The following SCUBE3 variants were observed in gnomAD, a reference collection of about 807,000 sequenced individuals.
SCUBE3 encodes the protein signal peptide, CUB and EGF-like domain-containing protein 3.
In SCUBE3, 33 loss-of-function variants were observed where a neutral mutation model predicts 116.8. The observed-to-expected ratio is 0.28, with a 90% confidence interval of 0.21 to 0.38. The LOEUF is 0.38. Among genes scored for constraint, SCUBE3 ranks in the 10% least tolerant of loss-of-function variants. The pLI is 1.00. For missense variants in SCUBE3, 1,007 were observed against 1,324.8 expected, an observed-to-expected ratio of 0.76 and a Z score of 3.72; for synonymous variants, 418 against 496.9, an observed-to-expected ratio of 0.84 and a Z score of 2.11.
In SCUBE3 at chr6:35,244,909, G is replaced by T. The variant is rs1160370716; in HGVS notation, c.2401+98G>T. On this transcript the variant is annotated intron_variant, in intron 18 of 21. Coordinates refer to ENST00000274938, the MANE Select transcript of SCUBE3 (RefSeq NM_152753.4). The surrounding 1 kb of genome is among the most constrained non-coding windows in gnomAD (Gnocchi z 4.3). ...TGAAACCAACAGGGAGCAGGGCTGG[G>T]GGGTGGAGGAGCAGGAAAACTCCAC... 3 of 1,240,562 alleles carry T rather than the reference G, an allele frequency of 2.4e-6. No homozygotes were observed. Among genetic ancestry groups the T allele is most frequent in the East Asian group, 2.3e-5 (1 of 43,010 alleles). 76.8% of individuals were successfully genotyped at this position (1,240,562 alleles called of 1,614,324 possible).
Position 35,214,334 on chromosome 6 carries a change from T to G in SCUBE3, c.-85T>G, listed in dbSNP as rs1285824514. ...GGCGGGGCGCCCCCTCCCCTCCCCC[T>G]CCTGCGAGCTGGGATCCGGCCGGCT... is the stretch of plus-strand genomic sequence containing the variant. On this transcript the variant is annotated 5_prime_UTR_variant, in exon 1 of 22. Transcript: ENST00000274938. This position sits in a 1 kb window ranked among gnomAD's most constrained non-coding sequence, Gnocchi z 6.3. The G allele has an allele frequency of 2.6e-6, 2 of 771,852 alleles. No individual in the cohort carries two copies. Among genetic ancestry groups the G allele is most frequent in the African/African-American group, 3.8e-5 (2 of 52,074 alleles). 47.8% of individuals were successfully genotyped at this position (771,852 alleles called of 1,614,324 possible).
Position 35,238,118 on chromosome 6 carries a change from C to T in SCUBE3, c.829+100C>T, listed in dbSNP as rs542719343. 2.2e-5 allele frequency: 14 copies of T among 650,114 alleles called. No homozygotes were observed. In the African/African-American group the frequency reaches 2.5e-4, roughly 12 times the overall value. 40.3% of individuals were successfully genotyped at this position (650,114 alleles called of 1,614,324 possible). On this transcript the variant is annotated intron_variant, in intron 7 of 21. Transcript: ENST00000274938. ...TATTAGGGGATGACACCTCCTCAAC[C>T]TCCTTCTTATGAAGAACCCAGGACA...
At position 35,214,409 on chromosome 6, in the gene SCUBE3, AG is replaced by A. The variant is rs1782803251; in HGVS notation, c.-9del. 7.0e-7 allele frequency: 1 copy of A among 1,434,208 alleles called. No homozygotes were observed. Among genetic ancestry groups the A allele is most frequent in the Non-Finnish European group, 9.2e-7 (1 of 1,091,440 alleles). 88.8% of individuals were successfully genotyped at this position (1,434,208 alleles called of 1,614,324 possible). On this transcript the variant is annotated 5_prime_UTR_variant, in exon 1 of 22. Coordinates refer to ENST00000274938, the MANE Select transcript of SCUBE3 (RefSeq NM_152753.4). The surrounding 1 kb of genome is among the most constrained non-coding windows in gnomAD (Gnocchi z 6.3). ...CGGCCCCGGCGGCTGGGCCGCCAGT[AG>A]CTCCAGCCATGGGCTCGGGGCGCGT... is the stretch of plus-strand genomic sequence containing the variant.
At position 35,241,908 on chromosome 6, in the gene SCUBE3, A is replaced by G; in HGVS notation, c.1415A>G (p.His472Arg). ...NGNSTNSNHC[H>R]EAAVLSIKQR... ...AACAGCACCAACTCCAACCACTGCC[A>G]TGGTAAGCACCAGCCCAGAAGCCCT... The change falls in exon 12 of 22, where the codon CAT (histidine) becomes CGT (arginine). Residue 472 changes from histidine (H) to arginine (R), a missense_variant and splice_region_variant. Coordinates refer to ENST00000274938, the MANE Select transcript of SCUBE3 (RefSeq NM_152753.4). This position sits in a 1 kb window ranked among gnomAD's most constrained non-coding sequence, Gnocchi z 4.1. The G allele has an allele frequency of 6.2e-7, 1 of 1,603,246 alleles. No homozygotes were observed. Among genetic ancestry groups the G allele is most frequent in the Non-Finnish European group, 8.5e-7 (1 of 1,174,970 alleles).
intron 6 of SCUBE3, among the ~76,000 whole-genome samples, chr6:35,234,165 A>C (rs1237111675): frequency 6.6e-6 from 1 of 152,150 alleles, no homozygotes; most frequent in Non-Finnish European, 1.5e-5. Flanking sequence ...CCCTTGGAGA[A>C]GGGGGAAATG....
In SCUBE3 at chr6:35,228,554, T is replaced by A. The variant is rs1783414715; in HGVS notation, c.209-60T>A. The A allele has an allele frequency of 1.9e-6, 3 of 1,593,592 alleles. No homozygotes were observed. In the African/African-American group the frequency reaches 4.0e-5, roughly 21 times the overall value. ...GTAAACACAACCATAAGGCTGAGTC[T>A]GGGGGTGGACAGTGGGTTCGCAGGT... On this transcript the variant is annotated intron_variant, in intron 2 of 21. Coordinates refer to ENST00000274938, the MANE Select transcript of SCUBE3 (RefSeq NM_152753.4). The surrounding 1 kb of genome is among the most constrained non-coding windows in gnomAD (Gnocchi z 4.9).
In SCUBE3 at chr6:35,242,967, C is replaced by G. The variant is rs917556765; in HGVS notation, c.1694-54C>G. 4 of 1,580,446 alleles carry G rather than the reference C, an allele frequency of 2.5e-6. No individual in the cohort carries two copies. In the African/African-American group the frequency reaches 5.4e-5, roughly 21 times the overall value. On this transcript the variant is annotated intron_variant, in intron 14 of 21. Coordinates refer to ENST00000274938, the MANE Select transcript of SCUBE3 (RefSeq NM_152753.4). Reference sequence around the variant, plus strand: ...GCTCCCAGCTTTGCTCCCCTGCCCTCCTGCTCACAGCAACTCTTTCTCCTC... The same window carrying G: ...GCTCCCAGCTTTGCTCCCCTGCCCTGCTGCTCACAGCAACTCTTTCTCCTC...
intron 21 of SCUBE3, among the ~76,000 whole-genome samples, chr6:35,247,095 G>GA (rs1481013035): frequency 4.6e-5 from 7 of 152,194 alleles, no homozygotes; most frequent in Admixed American, 4.6e-4. Flanking sequence ...GAATGGACTA[G>GA]ATGCCCTGGG....
Position 35,235,406 on chromosome 6 carries a change from C to A in SCUBE3, c.712+2105C>A. 2 of 1,153,336 alleles carry A rather than the reference C, an allele frequency of 1.7e-6. No individual in the cohort carries two copies. The highest frequency in any genetic ancestry group is 2.3e-6 in the Non-Finnish European group (2 of 862,942). The allele number at this position is 1,153,336 out of a possible 1,614,324, so 71.4% of individuals were successfully genotyped here. On this transcript the variant is annotated intron_variant, in intron 6 of 21. Coordinates refer to ENST00000274938, the MANE Select transcript of SCUBE3 (RefSeq NM_152753.4). The surrounding 1 kb of genome is among the most constrained non-coding windows in gnomAD (Gnocchi z 4.5). ...CGGGGCCAGAGGGCCACAGTGGCTT[C>A]TGCCCAGCACCTAAACAGCTTTTTT...
In SCUBE3 at chr6:35,232,734, G is replaced by T; in HGVS notation, c.470-116G>T. The stretch of plus-strand genomic sequence containing the variant: ...CAAGGAGAGTCAGTCCCCTCGTGTT[G>T]AATTCAACCTCAGTAGAATTCTCCC... On this transcript the variant is annotated intron_variant, in intron 4 of 21. Coordinates refer to ENST00000274938, the MANE Select transcript of SCUBE3 (RefSeq NM_152753.4). This position sits in a 1 kb window ranked among gnomAD's most constrained non-coding sequence, Gnocchi z 4.2. The T allele has an allele frequency of 1.9e-6, 2 of 1,035,462 alleles. No homozygotes were observed. Among genetic ancestry groups the T allele is most frequent in the Non-Finnish European group, 1.5e-6 (1 of 686,476 alleles). 64.1% of individuals were successfully genotyped at this position (1,035,462 alleles called of 1,614,324 possible).
chr6:35,244,929 C>T lies in SCUBE3; in HGVS notation c.2401+118C>T. The T allele has an allele frequency of 2.0e-6, 2 of 1,016,034 alleles. No homozygotes were observed. The highest frequency in any genetic ancestry group is 3.0e-6 in the Non-Finnish European group (2 of 674,832). The allele number at this position is 1,016,034 out of a possible 1,614,324, so 62.9% of individuals were successfully genotyped here. A position where few individuals can be genotyped will look rare whatever the true frequency, so the allele number is the denominator to read the frequency against. On this transcript the variant is annotated intron_variant, in intron 18 of 21. Transcript: ENST00000274938. This position sits in a 1 kb window ranked among gnomAD's most constrained non-coding sequence, Gnocchi z 4.3. ...GCTGGGGGGTGGAGGAGCAGGAAAA[C>T]TCCACCTTCCACCTCTCCCCAACTC...
At position 35,246,295 on chromosome 6, in the gene SCUBE3, T is replaced by A; in HGVS notation, c.2832+10T>A. ...CCAGGAGATTTTAAAGGTGAATGAA[T>A]ATTAACAATAATGATAGCTAACATT... On this transcript the variant is annotated intron_variant, in intron 21 of 21. Coordinates refer to ENST00000274938, the MANE Select transcript of SCUBE3 (RefSeq NM_152753.4). The A allele has an allele frequency of 6.3e-7, 1 of 1,575,270 alleles. No homozygotes were observed. Among genetic ancestry groups the A allele is most frequent in the South Asian group, 1.1e-5 (1 of 90,334 alleles).
chr6:35,241,082 T>G lies in SCUBE3; in HGVS notation c.1070-59T>G. On this transcript the variant is annotated intron_variant, in intron 9 of 21. Transcript: ENST00000274938. The surrounding 1 kb of genome is among the most constrained non-coding windows in gnomAD (Gnocchi z 4.1). ...CCAAAGGCCCTCACTCACTGCCTAC[T>G]CTCCGGCTCCTCCTCCAACTCCATC... The G allele has an allele frequency of 6.5e-7, 1 of 1,536,188 alleles. No homozygotes were observed.
At position 35,235,154 on chromosome 6, in the gene SCUBE3, G is replaced by A. The variant is rs971441741; in HGVS notation, c.712+1853G>A. Among the ~76,000 whole-genome samples the A allele has an allele frequency of 1.1e-4, 17 of 152,248 alleles. No homozygotes were observed. The highest frequency in any genetic ancestry group is 4.1e-4 in the African/African-American group (17 of 41,466). ...TTTGTGGTTAGTAAGACTTGAGGGT[G>A]CATCCCAGCTTAGGCTTGAGCATGC... On this transcript the variant is annotated intron_variant, in intron 6 of 21. Transcript: ENST00000274938. This position sits in a 1 kb window ranked among gnomAD's most constrained non-coding sequence, Gnocchi z 4.5.
intron 1 of SCUBE3, chr6:35,224,039 C>T (rs1378747809): frequency 6.6e-6 from 1 of 152,078 alleles, no homozygotes; most frequent in Non-Finnish European, 1.5e-5. Flanking sequence ...CAGGAACTCA[C>T]CAGGAACGGG....
chr6:35,214,990 T>C lies in SCUBE3; in HGVS notation c.85+487T>C, dbSNP rs1782827758. The stretch of plus-strand genomic sequence containing the variant: ...AGTTGATGCCTTATCAGTGGAAAAA[T>C]GTTGAAGAAAAATAGGATCTTTTAT... On this transcript the variant is annotated intron_variant, in intron 1 of 21. Transcript: ENST00000274938. This position sits in a 1 kb window ranked among gnomAD's most constrained non-coding sequence, Gnocchi z 6.3. Among the ~76,000 whole-genome samples, 1 of 152,020 alleles carries C rather than the reference T, an allele frequency of 6.6e-6. No homozygotes were observed.
chr6:35,228,778 G>C lies in SCUBE3; in HGVS notation c.334+39G>C. 1 of 1,603,362 alleles carries C rather than the reference G, an allele frequency of 6.2e-7. No individual in the cohort carries two copies. On this transcript the variant is annotated intron_variant, in intron 3 of 21. Coordinates refer to ENST00000274938, the MANE Select transcript of SCUBE3 (RefSeq NM_152753.4). This position sits in a 1 kb window ranked among gnomAD's most constrained non-coding sequence, Gnocchi z 4.9. ...AGGGGATTTGGTGGAGGGATGTCTT[G>C]TGGAGAAAGAGATCTTTTCAGCATT...
In SCUBE3 at chr6:35,242,751, A is replaced by AT; in HGVS notation, c.1664_1665insT (p.Glu555AspfsTer50). ...GTCACAAGGCTCACCCTGGAACTGG[A>AT]GGCAGAGGTCAGAGCCGAAGAAACC... is the stretch of plus-strand genomic sequence containing the variant. On this transcript the variant is annotated frameshift_variant, in exon 14 of 22. Coordinates refer to ENST00000274938, the MANE Select transcript of SCUBE3 (RefSeq NM_152753.4). LOFTEE classifies it high-confidence loss of function. The AT allele has an allele frequency of 2.5e-6, 4 of 1,613,992 alleles. No individual in the cohort carries two copies. The highest frequency in any genetic ancestry group is 3.4e-6 in the Non-Finnish European group (4 of 1,179,880).
In SCUBE3 at chr6:35,244,179, C is replaced by A; in HGVS notation, c.2239+49C>A. Reference sequence around the variant, plus strand: ...GGGGGATGCCCCAACCCCAACTACTCCCAAAAAACTCTCCAATTTCCCAGA... The same window carrying A: ...GGGGGATGCCCCAACCCCAACTACTACCAAAAAACTCTCCAATTTCCCAGA... On this transcript the variant is annotated intron_variant, in intron 17 of 21. Transcript: ENST00000274938. This position sits in a 1 kb window ranked among gnomAD's most constrained non-coding sequence, Gnocchi z 4.3. 2 of 1,518,754 alleles carry A rather than the reference C, an allele frequency of 1.3e-6. No homozygotes were observed. Among genetic ancestry groups the A allele is most frequent in the South Asian group, 1.2e-5 (1 of 84,596 alleles). 94.1% of individuals were successfully genotyped at this position (1,518,754 alleles called of 1,614,324 possible). A position where few individuals can be genotyped will look rare whatever the true frequency, so the allele number is the denominator to read the frequency against.
Sources: allele counts gnomAD v4.1 joint callset (sites outside exome capture counted in the v4.1 genomes callset), GRCh38; gene constraint gnomAD v4.1.1; non-coding constraint Gnocchi (gnomAD v3.1); transcripts MANE v1.5; gene names NCBI Gene and HGNC (gene_info 2026-07-23, HGNC 2026-07-21).